The following KDR variants were observed in gnomAD, a reference collection of about 807,000 sequenced individuals.
KDR encodes kinase insert domain receptor.
A neutral mutation model predicts 160.9 loss-of-function variants in KDR; 43 were observed. The observed-to-expected ratio is 0.27, with a 90% CI of 0.21 to 0.34. The LOEUF (loss-of-function observed/expected upper bound fraction) is 0.34. Ranked by LOEUF, KDR falls within the 10% of genes least tolerant of loss-of-function variation. The pLI is 1.00. For synonymous variants in KDR, 617 were observed against 600.1 expected (o/e 1.03, Z -0.41); for missense variants, 1,469 against 1,666.4 (o/e 0.88, Z 2.06).
intron 21 of KDR, among the ~76,000 whole-genome samples, chr4:55,093,254 C>A (rs1004500327): frequency 6.6e-6 from 1 of 152,050 alleles, no homozygotes; most frequent in Non-Finnish European, 1.5e-5. Flanking sequence ...TAAATCTGGC[C>A]TGGGAGGGTG....
intron 27 of KDR, among the ~76,000 whole-genome samples, 169 bp downstream of exon 27, chr4:55,087,438 C>T (rs1021368458): frequency 2.0e-5 from 3 of 152,216 alleles, no homozygotes. Context: ...AGCACACCTA[C>T]CCAGGCCCTC....
chr4:55,085,365 G>A (rs1410475321), intron 27 of KDR, among the ~76,000 whole-genome samples: 1 of 152,138 alleles, frequency 6.6e-6, no homozygotes, highest in Non-Finnish European at 1.5e-5. Flanking sequence ...CATGAAGCTA[G>A]CTCCCACAGT....
chr4:55,106,158 G>A (rs1387899373), intron 11 of KDR, among the ~76,000 whole-genome samples: 6 of 151,650 alleles, frequency 4.0e-5, no homozygotes, highest in African/African-American at 7.3e-5. Flanking sequence ...TTTTTTTTTG[G>A]ATTTTGGAAT....
intron 22 of KDR, among the ~76,000 whole-genome samples, chr4:55,091,165 C>A (rs187379302): frequency 1.3e-5 from 2 of 152,262 alleles, no homozygotes; most frequent in Admixed American, 1.3e-4. Context: ...AAGGAGAATT[C>A]TTAAATCATT....
intron 25 of KDR, 129 bp from the exon 26 acceptor site, chr4:55,089,102 G>GT (rs1196685422): frequency 1.3e-6 from 1 of 762,612 alleles, no homozygotes; most frequent in Non-Finnish European, 2.3e-6. Flanking sequence ...ACAAAACTGT[G>GT]TAAGACACAG....
At chr4:55,122,220 G>A (rs182867311) in intron 1 of KDR, among the ~76,000 whole-genome samples, 1 of 152,208 alleles carries the variant, frequency 6.6e-6, no homozygotes, top group East Asian at 1.9e-4. Flanking sequence ...TCTACAGCAA[G>A]ATAACTGAAT....
At chr4:55,100,733 G>A (rs565526244) in intron 15 of KDR, among the ~76,000 whole-genome samples, 3 of 152,114 alleles carry the variant, frequency 2.0e-5, no homozygotes, top group African/African-American at 7.2e-5. Flanking sequence ...TGCAATACTT[G>A]GCATCATAGA....
chr4:55,099,761 AG>A (rs1343477095), intron 15 of KDR, among the ~76,000 whole-genome samples: 1 of 152,210 alleles, frequency 6.6e-6, no homozygotes, highest in Non-Finnish European at 1.5e-5. Context: ...TACTTGACTG[AG>A]GGCACACAGC....
At chr4:55,120,067 G>C (rs749384040) in intron 2 of KDR, among the ~76,000 whole-genome samples, 6 of 152,168 alleles carry the variant, frequency 3.9e-5, no homozygotes, top group Non-Finnish European at 7.4e-5. Flanking sequence ...AATCTAATGG[G>C]AAATGTGTCT....
At chr4:55,092,376 C>T in intron 22 of KDR, 1 of 509,550 alleles carries the variant, frequency 2.0e-6, no homozygotes, top group Non-Finnish European at 3.6e-6. Flanking sequence ...CCTCAGTGCT[C>T]AGAAGACTGC....
intron 18 of KDR, among the ~76,000 whole-genome samples, chr4:55,097,061 T>C (rs1423165481): frequency 6.6e-6 from 1 of 152,128 alleles, no homozygotes; most frequent in Non-Finnish European, 1.5e-5. Flanking sequence ...AACATCACAA[T>C]TGAAGAAAGA....
At chr4:55,115,456 A>G (rs751066304) in intron 3 of KDR, 45 bp from the exon 4 acceptor site, 1 of 1,092,798 alleles carries the variant, frequency 9.2e-7, no homozygotes, top group Non-Finnish European at 1.4e-6. Context: ...AGTATTTACT[A>G]GAAAAGTTGG....
rs374021824 is a variant in KDR, at chr4:55,096,918, G to A, written c.2615-576C>T. Among the ~76,000 whole-genome samples, 6 of 152,248 alleles carry A rather than the reference G, an allele frequency of 3.9e-5. No homozygotes were observed. In the East Asian group the frequency reaches 5.8e-4, roughly 15 times the overall value. ...ATTCACAGGCATGGTCCACATCTAA[G>A]GCTCTGATGAGCCACCTCAAAATTA... On this transcript the variant is annotated intron_variant, in intron 18 of 29. Coordinates refer to ENST00000263923, the MANE Select transcript of KDR (RefSeq NM_002253.4).
intron 18 of KDR, among the ~76,000 whole-genome samples, chr4:55,097,241 T>G (rs934008407): frequency 2.0e-5 from 3 of 152,218 alleles, no homozygotes; most frequent in Admixed American, 1.3e-4. Context: ...TGAACATCTT[T>G]TACATATTCC....
chr4:55,111,121 C>G (rs895290554), intron 7 of KDR, among the ~76,000 whole-genome samples: 1 of 152,308 alleles, frequency 6.6e-6, no homozygotes, highest in South Asian at 2.1e-4. Context: ...CTCCACACAC[C>G]TCTTCCACCA....
Position 55,102,126 on chromosome 4 carries a change from G to A in KDR, c.2135-98C>T. 3.9e-6 allele frequency: 6 copies of A among 1,524,852 alleles called. No individual in the cohort carries two copies. The Admixed American group carries it at 6.7e-5, about 17-fold the overall frequency. 94.5% of individuals were successfully genotyped at this position (1,524,852 alleles called of 1,614,324 possible). On this transcript the variant is annotated intron_variant, in intron 14 of 29. Coordinates refer to ENST00000263923, the MANE Select transcript of KDR (RefSeq NM_002253.4). ...AAATATAAATGCTGCCCTTCATCTT[G>A]TTCTATTATCTAACTCTGTAGAGTC...
At chr4:55,119,091 C>T (rs1403747744) in intron 2 of KDR, among the ~76,000 whole-genome samples, 2 of 152,032 alleles carry the variant, frequency 1.3e-5, no homozygotes, top group African/African-American at 4.8e-5. Context: ...TGCCTGTAAT[C>T]CCAGCTACTC....
chr4:55,122,848 T>TGTGGTA (rs1720927864), intron 1 of KDR: 1 of 152,150 alleles, frequency 6.6e-6, no homozygotes, highest in East Asian at 1.9e-4. Flanking sequence ...CTACCACAGA[T>TGTGGTA]GGTCTATGGG....
chr4:55,108,318 C>G (rs552780766), intron 9 of KDR, among the ~76,000 whole-genome samples: 11 of 152,262 alleles, frequency 7.2e-5, no homozygotes, highest in African/African-American at 2.6e-4. Flanking sequence ...TGCCTCTCAT[C>G]TGTATTACAG....
Sources: allele counts gnomAD v4.1 joint callset (sites outside exome capture counted in the v4.1 genomes callset), GRCh38; gene constraint gnomAD v4.1.1; transcripts MANE v1.5; gene names NCBI Gene and HGNC (gene_info 2026-07-23, HGNC 2026-07-21).